The following LRRC4C variants were observed in gnomAD, a reference collection of about 807,000 sequenced individuals.
LRRC4C encodes leucine rich repeat containing 4C.
LRRC4C carries 5 observed loss-of-function variants against 33.6 expected under a neutral mutation model. The ratio of observed to expected loss-of-function variants is 0.15; its 90% CI spans 0.08 to 0.31. The LOEUF (loss-of-function observed/expected upper bound fraction) is 0.31, where lower values mean the gene tolerates loss of function less well. Among genes scored for constraint, LRRC4C ranks in the 10% least tolerant of loss-of-function variants. The pLI, the probability that LRRC4C is intolerant of heterozygous loss-of-function variation, is 1.00. For synonymous variants in LRRC4C, 329 were observed against 302.0 expected, an observed-to-expected ratio of 1.09 and a Z score of -0.93; for missense variants, 560 against 796.7, an observed-to-expected ratio of 0.70 and a Z score of 3.58.
intron 1 of LRRC4C, among the ~76,000 whole-genome samples, chr11:41,284,320 A>C (rs1949758161): frequency 6.6e-6 from 1 of 152,232 alleles, no homozygotes; most frequent in African/African-American, 2.4e-5. Context: ...ATGAGCACAC[A>C]AATGTAAGTA....
chr11:41,371,944 G>C (rs1952762961), intron 1 of LRRC4C, among the ~76,000 whole-genome samples: 1 of 152,176 alleles, frequency 6.6e-6, no homozygotes, highest in Admixed American at 6.5e-5. Context: ...GACCATCCTG[G>C]CTAACATGGT....
At chr11:40,616,152 T>G (rs952531341) in intron 3 of LRRC4C, among the ~76,000 whole-genome samples, 5 of 151,836 alleles carry the variant, frequency 3.3e-5, no homozygotes, top group African/African-American at 1.2e-4. Context: ...AAAAGACACA[T>G]GAAAAAATGC....
intron 2 of LRRC4C, among the ~76,000 whole-genome samples, chr11:40,690,428 C>T (rs545275340): frequency 6.6e-6 from 1 of 152,136 alleles, no homozygotes; most frequent in South Asian, 2.1e-4. Context: ...CTTAATGTAG[C>T]AAGGGTTCAC....
chr11:41,073,065 A>G (rs2135434373), intron 1 of LRRC4C, among the ~76,000 whole-genome samples: 1 of 152,268 alleles, frequency 6.6e-6, no homozygotes, highest in South Asian at 2.1e-4. Context: ...TTTTTCTGGG[A>G]ACCTGTGCAT....
intron 1 of LRRC4C, among the ~76,000 whole-genome samples, chr11:41,155,803 C>A (rs1449834308): frequency 1.3e-5 from 2 of 152,120 alleles, no homozygotes; most frequent in South Asian, 2.1e-4. Flanking sequence ...CTTTGCTTCT[C>A]GATCCCCCTA....
chr11:40,425,003 T>C (rs1303066632), intron 3 of LRRC4C, among the ~76,000 whole-genome samples: 2 of 152,160 alleles, frequency 1.3e-5, no homozygotes, highest in African/African-American at 4.8e-5. Context: ...CTCTTGCAGG[T>C]GGTGGTAGAG....
intron 5 of LRRC4C, among the ~76,000 whole-genome samples, chr11:40,231,174 C>G (rs959775494): frequency 6.6e-6 from 1 of 152,098 alleles, no homozygotes; most frequent in African/African-American, 2.4e-5. Context: ...CAAGACCAAA[C>G]TTGGCAACAA....
intron 5 of LRRC4C, among the ~76,000 whole-genome samples, chr11:40,218,359 G>T (rs1864123648): frequency 6.6e-6 from 1 of 152,132 alleles, no homozygotes; most frequent in Non-Finnish European, 1.5e-5. Context: ...AGAGGCCTAA[G>T]AAGGGTTATG....
At chr11:40,932,332 T>G (rs1957664843) in intron 2 of LRRC4C, among the ~76,000 whole-genome samples, 1 of 152,128 alleles carries the variant, frequency 6.6e-6, no homozygotes, top group South Asian at 2.1e-4. Flanking sequence ...TAGATCCTTC[T>G]TCTATGGAAT....
In LRRC4C at chr11:41,001,824, C is replaced by CAAAAAAAA. The variant is rs1037709831; in HGVS notation, c.-495-68102_-495-68101insTTTTTTTT. Among the ~76,000 whole-genome samples the CAAAAAAAA allele has an allele frequency of 7.3e-5, 11 of 151,628 alleles. No homozygotes were observed. In the Middle Eastern group the frequency reaches 0.017, roughly 236 times the overall value. ...ATCTCATTCCAAGGTTCAAAACTTT[C>CAAAAAAAA]AGGTCAATGGGCTCAGCTTTCTTCT... On this transcript the variant is annotated intron_variant, in intron 1 of 6. Coordinates refer to ENST00000528697, the MANE Select transcript of LRRC4C (RefSeq NM_001258419.2).
chr11:41,019,321 T>A (rs1285408837), intron 1 of LRRC4C, among the ~76,000 whole-genome samples: 1 of 152,188 alleles, frequency 6.6e-6, no homozygotes, highest in Non-Finnish European at 1.5e-5. Flanking sequence ...GCTTTCAGCT[T>A]CATCCATGTA....
intron 1 of LRRC4C, among the ~76,000 whole-genome samples, chr11:41,244,103 A>C (rs536853547): frequency 6.6e-6 from 1 of 152,244 alleles, no homozygotes; most frequent in South Asian, 2.1e-4. Flanking sequence ...TATGAAGGCC[A>C]GATTGGGTGA....
chr11:40,955,921 C>T (rs144297421), intron 1 of LRRC4C, among the ~76,000 whole-genome samples: 4 of 151,894 alleles, frequency 2.6e-5, no homozygotes, highest in South Asian at 4.1e-4. Context: ...AATCAAGTTC[C>T]ATAGGGACAC....
In LRRC4C at chr11:40,679,106, A is replaced by G. The variant is rs886570238; in HGVS notation, c.-406-30828T>C. ...CTTGTTGGGAACTAGAGCAAAGGTG[A>G]CCCTTGTTATGTTTTAGCAAAGAGA... On this transcript the variant is annotated intron_variant, in intron 2 of 6. Coordinates refer to ENST00000528697, the MANE Select transcript of LRRC4C (RefSeq NM_001258419.2). 8.9e-4 allele frequency among the ~76,000 whole-genome samples: 135 copies of G among 152,186 alleles called. 1 individual carries two copies. The highest frequency in any genetic ancestry group is 3.1e-3 in the African/African-American group (129 of 41,524).
At chr11:41,259,363 C>T (rs1325905994) in intron 1 of LRRC4C, among the ~76,000 whole-genome samples, 4 of 152,000 alleles carry the variant, frequency 2.6e-5, no homozygotes, top group African/African-American at 4.8e-5. Flanking sequence ...AACTATCTAA[C>T]ATTATTCTTA....
chr11:40,158,271 G>A (rs913915290), intron 5 of LRRC4C, among the ~76,000 whole-genome samples: 1 of 152,032 alleles, frequency 6.6e-6, no homozygotes, highest in African/African-American at 2.4e-5. Context: ...GGGGAAGAGT[G>A]GAAGCGGGGA....
At chr11:40,683,713 G>T (rs1257612604) in intron 2 of LRRC4C, among the ~76,000 whole-genome samples, 1 of 152,134 alleles carries the variant, frequency 6.6e-6, no homozygotes, top group Non-Finnish European at 1.5e-5. Flanking sequence ...GTTTGGTTCT[G>T]CATGAGGCAG....
chr11:40,154,395 G>C (rs1010175010), intron 5 of LRRC4C, among the ~76,000 whole-genome samples: 5 of 151,324 alleles, frequency 3.3e-5, no homozygotes, highest in African/African-American at 9.7e-5. Context: ...TGGCCTAAAT[G>C]CTCCACTTAA....
chr11:40,701,065 T>C (rs562807004), intron 2 of LRRC4C, among the ~76,000 whole-genome samples: 1 of 152,286 alleles, frequency 6.6e-6, no homozygotes, highest in Admixed American at 6.5e-5. Flanking sequence ...ATACATCATA[T>C]GGCTTCACCT....
Sources: allele counts gnomAD v4.1 joint callset (sites outside exome capture counted in the v4.1 genomes callset), GRCh38; gene constraint gnomAD v4.1.1; transcripts MANE v1.5; gene names NCBI Gene and HGNC (gene_info 2026-07-23, HGNC 2026-07-21).